The following NEK9 variants were observed in gnomAD, a reference collection of about 807,000 sequenced individuals.
NEK9 encodes the protein serine/threonine-protein kinase Nek9.
A neutral mutation model predicts 123.4 loss-of-function variants in NEK9; 75 were observed. The observed-to-expected ratio is 0.61, with a 90% CI of 0.50 to 0.74. The LOEUF is 0.74. Among genes scored for constraint, NEK9 ranks in the 30% least tolerant of loss-of-function variants. The pLI is 0.00. For synonymous variants in NEK9, 438 were observed against 458.7 expected (o/e 0.95, Z 0.58); for missense variants, 952 against 1,214.4 (o/e 0.78, Z 3.21).
intron 18 of NEK9, among the ~76,000 whole-genome samples, chr14:75,092,475 C>T (rs1367740240): frequency 4.0e-5 from 6 of 151,880 alleles, no homozygotes; most frequent in South Asian, 4.1e-4. Flanking sequence ...CCATGTTGGC[C>T]AGGCTGGCCT....
At chr14:75,100,887 C>T in intron 16 of NEK9, 105 bp downstream of exon 16, 1 of 1,144,408 alleles carries the variant, frequency 8.7e-7, no homozygotes, top group Admixed American at 2.6e-5. Flanking sequence ...TAAAAAAGTA[C>T]ATCCACAATT....
At position 75,117,374 on chromosome 14, in the gene NEK9, C is replaced by T. The variant is rs112158272; in HGVS notation, c.631-48G>A. The stretch of plus-strand genomic sequence containing the variant: ...AAGAATAACTTCTTTTCTGAGGTAA[C>T]TATGTTAACATTTCAACAGCTTAAT... On this transcript the variant is annotated intron_variant, in intron 5 of 21. Coordinates refer to ENST00000238616, the MANE Select transcript of NEK9 (RefSeq NM_033116.6). 2.7e-4 allele frequency: 418 copies of T among 1,562,330 alleles called. 1 individual carries two copies. In the African/African-American group the frequency reaches 5.2e-3, roughly 20 times the overall value.
chr14:75,084,690 T>C lies in NEK9; in HGVS notation c.2818-4A>G, dbSNP rs371311866. On this transcript the variant is annotated splice_polypyrimidine_tract_variant and splice_region_variant and intron_variant, in intron 21 of 21. Transcript: ENST00000238616. ...TTCCTTTGGAATGCATCCCCACCTG[T>C]CCGGATAAAACACGGTTCCACATTA... is the stretch of plus-strand genomic sequence containing the variant. The C allele has an allele frequency of 4.0e-5, 65 of 1,613,918 alleles. No individual in the cohort carries two copies. Among genetic ancestry groups the C allele is most frequent in the Non-Finnish European group, 5.3e-5 (62 of 1,179,972 alleles).
intron 13 of NEK9, among the ~76,000 whole-genome samples, chr14:75,105,649 AG>A (rs1894745506): frequency 6.6e-6 from 1 of 152,226 alleles, no homozygotes; most frequent in African/African-American, 2.4e-5. Context: ...CGAGTTTTCC[AG>A]GGTATTTGTA....
At chr14:75,112,188 C>T (rs1404021595) in intron 8 of NEK9, among the ~76,000 whole-genome samples, 1 of 151,886 alleles carries the variant, frequency 6.6e-6, no homozygotes, top group African/African-American at 2.4e-5. Context: ...AGAATGTATC[C>T]AAGAGCAAGA....
chr14:75,104,521 G>A (rs954087490), intron 13 of NEK9, among the ~76,000 whole-genome samples: 8 of 147,346 alleles, frequency 5.4e-5, no homozygotes, highest in South Asian at 2.1e-4. Context: ...TTGCTCTGTC[G>A]CCCAGGCTGG....
chr14:75,121,240 G>C, intron 2 of NEK9, 66 bp from the exon 3 acceptor site: 1 of 1,207,336 alleles, frequency 8.3e-7, no homozygotes, highest in Non-Finnish European at 1.2e-6. Context: ...CCTGTAACAG[G>C]TTTTTTTAGG....
chr14:75,112,071 A>G (rs1211583344), intron 8 of NEK9, among the ~76,000 whole-genome samples: 4 of 152,214 alleles, frequency 2.6e-5, no homozygotes, highest in Non-Finnish European at 5.9e-5. Context: ...TTCAGGCACT[A>G]AAACACTGGC....
chr14:75,096,834 A>T (rs368267985), intron 17 of NEK9: 61 of 316,914 alleles, frequency 1.9e-4, no homozygotes, highest in African/African-American at 1.1e-3. Context: ...AAAGACAAAA[A>T]AAAACAACCA....
At position 75,106,610 on chromosome 14, in the gene NEK9, G is replaced by A; in HGVS notation, c.1420C>T (p.Leu474=). ...AGPEVLEPMQ[L]NFFLSNPVEQ... is the part of the protein sequence containing the mutation. ...ACTGGATTGCTGAGGAAGAAGTTCA[G>A]CTGCATGGGTTCTAGCACTTCAGGG... The change falls in exon 12 of 22, where the codon CTG becomes TTG. Residue 474 remains leucine (L), a synonymous_variant. Transcript: ENST00000238616. The A allele has an allele frequency of 6.2e-7, 1 of 1,614,084 alleles. No individual in the cohort carries two copies. Among genetic ancestry groups the A allele is most frequent in the South Asian group, 1.1e-5 (1 of 91,082 alleles).
At chr14:75,096,735 T>A (rs1481288942) in intron 17 of NEK9, 1 of 157,682 alleles carries the variant, frequency 6.3e-6, no homozygotes, top group Non-Finnish European at 1.4e-5. Context: ...GAGAATTTGC[T>A]TGAACCCAAG....
intron 8 of NEK9, among the ~76,000 whole-genome samples, chr14:75,112,520 T>C (rs1441698219): frequency 6.6e-6 from 1 of 152,078 alleles, no homozygotes; most frequent in Non-Finnish European, 1.5e-5. Context: ...CCTAAACAAA[T>C]GCAGTGAAAA....
intron 18 of NEK9, among the ~76,000 whole-genome samples, chr14:75,094,362 T>C (rs950648481): frequency 3.3e-5 from 5 of 152,192 alleles, no homozygotes; most frequent in African/African-American, 9.7e-5. Flanking sequence ...ATGATGATAG[T>C]GCACTGTAAC....
intron 18 of NEK9, among the ~76,000 whole-genome samples, chr14:75,092,916 G>A (rs1390271202): frequency 6.6e-6 from 1 of 152,092 alleles, no homozygotes; most frequent in African/African-American, 2.4e-5. Context: ...ACTGGGTCAT[G>A]CTGAGATCCT....
chr14:75,121,784 C>T (rs1233835254), intron 2 of NEK9, among the ~76,000 whole-genome samples: 2 of 152,242 alleles, frequency 1.3e-5, no homozygotes, highest in South Asian at 4.1e-4. Context: ...GTGGGAGGAT[C>T]GCCTGAGCCT....
At chr14:75,111,559 C>G (rs1023800658) in intron 8 of NEK9, among the ~76,000 whole-genome samples, 3 of 152,090 alleles carry the variant, frequency 2.0e-5, no homozygotes, top group Non-Finnish European at 4.4e-5. Flanking sequence ...AAATTTCATG[C>G]CTACACTCAA....
chr14:75,084,799 AG>A lies in NEK9; in HGVS notation c.2818-114del, dbSNP rs556588872. The stretch of plus-strand genomic sequence containing the variant: ...TAAGGCATTGGCTAAGGCGTGGCTA[AG>A]GATTTGTAGCCACGATCTTGTGAGA... On this transcript the variant is annotated intron_variant, in intron 21 of 21. Coordinates refer to ENST00000238616, the MANE Select transcript of NEK9 (RefSeq NM_033116.6). The A allele has an allele frequency of 2.2e-4, 303 of 1,368,544 alleles. No individual in the cohort carries two copies. The African/African-American group carries it at 3.9e-3, about 17-fold the overall frequency. 84.8% of individuals were successfully genotyped at this position (1,368,544 alleles called of 1,614,324 possible).
At position 75,081,832 on chromosome 14, in the gene NEK9, A is replaced by T. The variant is rs1170375573; in HGVS notation, c.*2732T>A. 1.3e-5 allele frequency: 2 copies of T among 152,078 alleles called. No homozygotes were observed. The highest frequency in any genetic ancestry group is 2.9e-5 in the Non-Finnish European group (2 of 68,004). 9.4% of individuals were successfully genotyped at this position (152,078 alleles called of 1,614,324 possible). ...ACTGAGGAGGTAGGTACAAGAAAGG[A>T]TCATCCTTCTTTTAGTGGCTCATTT... On this transcript the variant is annotated 3_prime_UTR_variant, in exon 22 of 22. Coordinates refer to ENST00000238616, the MANE Select transcript of NEK9 (RefSeq NM_033116.6). The surrounding 1 kb of genome is among the most constrained non-coding windows in gnomAD (Gnocchi z 4.2).
intron 18 of NEK9, among the ~76,000 whole-genome samples, chr14:75,094,973 A>T (rs1894334087): frequency 6.6e-6 from 1 of 152,096 alleles, no homozygotes; most frequent in Non-Finnish European, 1.5e-5. Flanking sequence ...TCCTAACCAC[A>T]CTGAAAGTTT....
Sources: gnomAD v4.1 joint callset for allele counts (sites outside exome capture counted in the v4.1 genomes callset) on GRCh38, gnomAD v4.1.1 for gene constraint, Gnocchi (gnomAD v3.1) non-coding constraint, MANE v1.5 for transcripts, NCBI Gene and HGNC (gene_info 2026-07-23, HGNC 2026-07-21) for gene names.